P2RY8: variants seen among roughly 807,000 people sequenced by gnomAD.
The protein encoded by P2RY8 is P2Y receptor family member 8.
P2RY8 carries 6 observed loss-of-function variants against 10.0 expected under a neutral mutation model. That is an observed-to-expected ratio of 0.60 (90% CI 0.33 to 1.19). The LOEUF is 1.19. Among genes scored for constraint, P2RY8 ranks in the 50% most tolerant of loss-of-function variants. The probability of loss-of-function intolerance (pLI) is 0.04; values close to 1 mark genes in which losing one functional copy is unlikely to be tolerated. For missense variants in P2RY8, 456 were observed against 542.0 expected (o/e 0.84, Z 1.58); for synonymous variants, 276 against 252.5 (o/e 1.09, Z -0.88).
At chrX:1,515,966 T>G (rs2092344575) in intron 1 of P2RY8, among the ~76,000 whole-genome samples, 1 of 121,202 alleles carries the variant, frequency 8.3e-6, no homozygotes, top group Non-Finnish European at 1.7e-5. Flanking sequence ...GTGGATCACC[T>G]GAGGTCAGGA....
At position 1,464,758 on chromosome X, in the gene P2RY8, A is replaced by G. The variant is rs1893337731; in HGVS notation, c.*721T>C. On this transcript the variant is annotated 3_prime_UTR_variant, in exon 2 of 2. Coordinates refer to ENST00000381297, the MANE Select transcript of P2RY8 (RefSeq NM_178129.5). Reference sequence around the variant, plus strand: ...CAAGCCAGGCCAGAACAAATGTGCCAAAAATCACCTTGGTCAGCAACAGGG... The same window carrying G: ...CAAGCCAGGCCAGAACAAATGTGCCGAAAATCACCTTGGTCAGCAACAGGG... 2 of 233,000 alleles carry G rather than the reference A, an allele frequency of 8.6e-6. No individual in the cohort carries two copies. Among genetic ancestry groups the G allele is most frequent in the African/African-American group, 4.4e-5 (2 of 45,276 alleles). The allele number at this position is 233,000 out of a possible 1,614,324, so 14.4% of individuals were successfully genotyped here.
At chrX:1,509,192 C>CT (rs2092270384) in intron 1 of P2RY8, among the ~76,000 whole-genome samples, 4 of 59,170 alleles carry the variant, frequency 6.8e-5, no homozygotes, top group African/African-American at 1.9e-4. Context: ...TCTATCTATC[C>CT]ATCTATGTAT....
chrX:1,524,764 T>C (rs1771734728), intron 1 of P2RY8, among the ~76,000 whole-genome samples: 3 of 99,922 alleles, frequency 3.0e-5, no homozygotes, highest in Non-Finnish European at 4.8e-5. Flanking sequence ...CATCCATCCA[T>C]CCATCCATCC....
Position 1,465,037 on chromosome X carries a change from G to A in P2RY8, c.*442C>T. The A allele has an allele frequency of 3.9e-6, 1 of 258,430 alleles. No individual in the cohort carries two copies. The highest frequency in any genetic ancestry group is 7.5e-6 in the Non-Finnish European group (1 of 133,854). 16.0% of individuals were successfully genotyped at this position (258,430 alleles called of 1,614,324 possible). On this transcript the variant is annotated 3_prime_UTR_variant, in exon 2 of 2. Transcript: ENST00000381297. ...TGGGGCTCGCAGTTCGCCCACGGAG[G>A]ATATCCAGAAACCGAGTCGGGTAGG...
At chrX:1,474,624 A>G (rs1203367146) in intron 1 of P2RY8, among the ~76,000 whole-genome samples, 2 of 143,178 alleles carry the variant, frequency 1.4e-5, no homozygotes, top group Non-Finnish European at 1.5e-5. Flanking sequence ...GGGTGGGTGG[A>G]TGGATGGATC....
At chrX:1,490,322 C>T (rs1233755926) in intron 1 of P2RY8, among the ~76,000 whole-genome samples, 2 of 137,056 alleles carry the variant, frequency 1.5e-5, no homozygotes, top group Non-Finnish European at 3.2e-5. Context: ...TGAATGATAC[C>T]CCAGATTCAC....
chrX:1,515,950 G>GT (rs1258600564), intron 1 of P2RY8, among the ~76,000 whole-genome samples: 4 of 88,816 alleles, frequency 4.5e-5, no homozygotes, highest in African/African-American at 6.0e-5. Context: ...GAGGGGTCGG[G>GT]GGGTGGTGGA....
At chrX:1,532,448 T>TATG (rs764692410) in intron 1 of P2RY8, among the ~76,000 whole-genome samples, 2,058 of 8,650 alleles carry the variant, frequency 0.24, 202 homozygotes, top group Non-Finnish European at 0.43. Flanking sequence ...TATATATGTA[T>TATG]ATGTGTATAT....
intron 1 of P2RY8, among the ~76,000 whole-genome samples, chrX:1,478,272 T>TGTGTGTGTGTGTGTGTGTGCGC (rs1318193075): frequency 1.9e-5 from 2 of 103,950 alleles, no homozygotes; most frequent in Admixed American, 1.9e-4. Flanking sequence ...TGTGTGTGTG[T>TGTGTGTGTGTGTGTGTGTGCGC]GCCCAGCAGG....
At chrX:1,488,576 A>C (rs1238677828) in intron 1 of P2RY8, among the ~76,000 whole-genome samples, 24 of 152,158 alleles carry the variant, frequency 1.6e-4, no homozygotes, top group Non-Finnish European at 3.5e-4. Context: ...GACCTGCCAG[A>C]GCCTCTTGGA....
At chrX:1,525,823 A>G (rs1241881916) in intron 1 of P2RY8, among the ~76,000 whole-genome samples, 4 of 151,492 alleles carry the variant, frequency 2.6e-5, no homozygotes, top group African/African-American at 9.7e-5. Context: ...TCATTCGCCC[A>G]TTCATTTATT....
chrX:1,513,337 G>A (rs183241585), intron 1 of P2RY8, among the ~76,000 whole-genome samples: 31 of 152,102 alleles, frequency 2.0e-4, no homozygotes, highest in African/African-American at 5.8e-4. Flanking sequence ...ACATAGACCC[G>A]TGAAGATTAT....
chrX:1,534,924 G>C (rs1482095915), intron 1 of P2RY8, among the ~76,000 whole-genome samples: 3 of 152,206 alleles, frequency 2.0e-5, no homozygotes, highest in South Asian at 2.1e-4. Flanking sequence ...CCACCCCAAG[G>C]TTGGTCAGTC....
intron 1 of P2RY8, among the ~76,000 whole-genome samples, chrX:1,508,839 C>T (rs2092260620): frequency 2.9e-5 from 4 of 136,926 alleles, no homozygotes; most frequent in African/African-American, 1.1e-4. Flanking sequence ...CCATCCATCC[C>T]TCCATCCATC....
At chrX:1,489,592 C>A (rs1449353239) in intron 1 of P2RY8, among the ~76,000 whole-genome samples, 1 of 151,842 alleles carries the variant, frequency 6.6e-6, no homozygotes, top group Non-Finnish European at 1.5e-5. Flanking sequence ...CCCAGATATT[C>A]CCTGCAAATG....
At chrX:1,482,150 T>G in intron 1 of P2RY8, among the ~76,000 whole-genome samples, 1 of 128,662 alleles carries the variant, frequency 7.8e-6, no homozygotes, top group East Asian at 2.1e-4. Flanking sequence ...CAAAATTAAT[T>G]TGTGTGTGTG....
intron 1 of P2RY8, among the ~76,000 whole-genome samples, chrX:1,533,081 A>G (rs2092492499): frequency 6.7e-6 from 1 of 150,056 alleles, no homozygotes; most frequent in Non-Finnish European, 1.5e-5. Flanking sequence ...TGGGAACTCC[A>G]GGGCAAAGAT....
chrX:1,514,408 C>T (rs867248812), intron 1 of P2RY8, among the ~76,000 whole-genome samples: 1 of 69,342 alleles, frequency 1.4e-5, no homozygotes, highest in African/African-American at 6.5e-5. Flanking sequence ...CTTTCCTCCC[C>T]TCCCTTCCCT....
At chrX:1,516,020 T>TA (rs765204755) in intron 1 of P2RY8, among the ~76,000 whole-genome samples, 165 of 126,026 alleles carry the variant, frequency 1.3e-3, no homozygotes, top group Non-Finnish European at 2.1e-3. Context: ...CTGTCTCTAC[T>TA]AAAAAAAAAA....
Sources: gnomAD v4.1 joint callset for allele counts (sites outside exome capture counted in the v4.1 genomes callset) on GRCh38, gnomAD v4.1.1 for gene constraint, MANE v1.5 for transcripts, NCBI Gene and HGNC (gene_info 2026-07-23, HGNC 2026-07-21) for gene names.